The following NRG3 variants were observed in gnomAD, a reference collection of about 807,000 sequenced individuals.
The protein encoded by NRG3 is pro-neuregulin-3, membrane-bound isoform.
In NRG3, 31 loss-of-function variants were observed where a neutral mutation model predicts 66.9. That is an observed-to-expected ratio of 0.46 (90% CI 0.35 to 0.63). The LOEUF (loss-of-function observed/expected upper bound fraction) is 0.63. Among genes scored for constraint, NRG3 ranks in the 20% least tolerant of loss-of-function variants. The probability of loss-of-function intolerance (pLI) is 0.00; values close to 1 mark genes in which losing one functional copy is unlikely to be tolerated. For missense variants in NRG3, 910 were observed against 878.9 expected (o/e 1.04, Z -0.45); for synonymous variants, 393 against 359.4 (o/e 1.09, Z -1.06).
At chr10:82,514,538 G>T (rs187576941) in intron 2 of NRG3, among the ~76,000 whole-genome samples, 1 of 152,142 alleles carries the variant, frequency 6.6e-6, no homozygotes, top group Admixed American at 6.5e-5. Flanking sequence ...TGTTCCATTG[G>T]TCTATCTGTC....
chr10:81,921,111 G>A (rs1589460124), intron 1 of NRG3, among the ~76,000 whole-genome samples: 2 of 151,918 alleles, frequency 1.3e-5, no homozygotes, highest in Admixed American at 6.6e-5. Flanking sequence ...GTTTGAGAGT[G>A]CCCCTTCTTG....
chr10:82,043,812 C>A (rs1000139129), intron 1 of NRG3, among the ~76,000 whole-genome samples: 5 of 151,982 alleles, frequency 3.3e-5, no homozygotes, highest in African/African-American at 1.2e-4. Context: ...TATAACAAAA[C>A]CAGTTTTACC....
chr10:82,652,668 G>A (rs117280535), intron 2 of NRG3, among the ~76,000 whole-genome samples: 3,190 of 152,216 alleles, frequency 0.021, 55 homozygotes, highest in Non-Finnish European at 0.03. Context: ...ATTCAAGCAG[G>A]AAAACAGGGA....
At chr10:82,321,729 A>T (rs1265487478) in intron 1 of NRG3, among the ~76,000 whole-genome samples, 1 of 152,252 alleles carries the variant, frequency 6.6e-6, no homozygotes, top group African/African-American at 2.4e-5. Flanking sequence ...AGCTCATATA[A>T]GAACACATTT....
intron 2 of NRG3, among the ~76,000 whole-genome samples, chr10:82,605,242 T>C (rs181254931): frequency 6.6e-6 from 1 of 152,206 alleles, no homozygotes; most frequent in East Asian, 1.9e-4. Context: ...TGAGGTTTTA[T>C]CATGAAATGG....
chr10:82,207,412 C>T (rs2075173339), intron 1 of NRG3, among the ~76,000 whole-genome samples: 1 of 152,050 alleles, frequency 6.6e-6, no homozygotes, highest in Non-Finnish European at 1.5e-5. Context: ...GATATAACTC[C>T]TTATGCATAA....
chr10:81,987,668 A>C (rs569074573), intron 1 of NRG3, among the ~76,000 whole-genome samples: 1 of 152,312 alleles, frequency 6.6e-6, no homozygotes, highest in Non-Finnish European at 1.5e-5. Flanking sequence ...ACACTGGTAA[A>C]ATGATATATG....
intron 1 of NRG3, among the ~76,000 whole-genome samples, chr10:82,087,446 A>G (rs928761986): frequency 6.6e-5 from 10 of 152,002 alleles, no homozygotes; most frequent in Admixed American, 6.6e-4. Flanking sequence ...ATACTAATAC[A>G]TGCCGTATAC....
intron 5 of NRG3, among the ~76,000 whole-genome samples, 165 bp downstream of exon 5, chr10:82,951,736 A>T (rs545177984): frequency 6.6e-6 from 1 of 152,362 alleles, no homozygotes; most frequent in East Asian, 1.9e-4. Context: ...GTGAGTGTGT[A>T]CAGGCATGTA....
At chr10:82,423,250 T>C (rs926707823) in intron 2 of NRG3, among the ~76,000 whole-genome samples, 6 of 151,976 alleles carry the variant, frequency 3.9e-5, no homozygotes, top group African/African-American at 9.6e-5. Flanking sequence ...ATTTTATTAA[T>C]AAACCACCAT....
chr10:82,441,516 G>A (rs572674214), intron 2 of NRG3, among the ~76,000 whole-genome samples: 14 of 152,250 alleles, frequency 9.2e-5, no homozygotes, highest in African/African-American at 3.1e-4. Flanking sequence ...TGCATAAAAA[G>A]TTGTATAAAT....
At chr10:82,719,822 T>C (rs963760643) in intron 2 of NRG3, among the ~76,000 whole-genome samples, 3 of 152,208 alleles carry the variant, frequency 2.0e-5, no homozygotes, top group Non-Finnish European at 4.4e-5. Flanking sequence ...AATTTTCTCA[T>C]TTCAGATACT....
At chr10:82,185,964 C>T (rs1024835331) in intron 1 of NRG3, among the ~76,000 whole-genome samples, 2 of 152,100 alleles carry the variant, frequency 1.3e-5, no homozygotes, top group African/African-American at 2.4e-5. Flanking sequence ...TGAATAGGTA[C>T]GTTTCCTCAC....
At chr10:82,545,207 G>A (rs1307625302) in intron 2 of NRG3, among the ~76,000 whole-genome samples, 1 of 152,016 alleles carries the variant, frequency 6.6e-6, no homozygotes, top group Non-Finnish European at 1.5e-5. Flanking sequence ...GGATGGGTGG[G>A]AGGAAAAGTT....
chr10:82,107,977 A>G (rs547607583), intron 1 of NRG3, among the ~76,000 whole-genome samples: 1 of 152,304 alleles, frequency 6.6e-6, no homozygotes, highest in South Asian at 2.1e-4. Context: ...ATCCATTGCC[A>G]CGGCTGACGC....
chr10:82,271,307 T>C (rs908713960), intron 1 of NRG3, among the ~76,000 whole-genome samples: 3 of 152,066 alleles, frequency 2.0e-5, no homozygotes, highest in African/African-American at 7.2e-5. Context: ...ACCTATGAGC[T>C]ATGTAATTGG....
chr10:82,238,460 G>C (rs569977428), intron 1 of NRG3, among the ~76,000 whole-genome samples: 3 of 152,172 alleles, frequency 2.0e-5, no homozygotes, highest in Non-Finnish European at 2.9e-5. Flanking sequence ...CTTGTTCAAA[G>C]TCACATTGGT....
chr10:82,498,100 T>C (rs370355576), intron 2 of NRG3, among the ~76,000 whole-genome samples: 34 of 152,228 alleles, frequency 2.2e-4, no homozygotes, highest in African/African-American at 7.7e-4. Flanking sequence ...GTTTTTTTTT[T>C]TCTAATGACT....
intron 3 of NRG3, among the ~76,000 whole-genome samples, chr10:82,764,264 GC>G (rs2059430400): frequency 6.6e-6 from 1 of 151,796 alleles, no homozygotes; most frequent in Non-Finnish European, 1.5e-5. Context: ...CGAACTCGTA[GC>G]CTCAAGTGAT....
Sources: gnomAD v4.1 joint callset for allele counts (sites outside exome capture counted in the v4.1 genomes callset) on GRCh38, gnomAD v4.1.1 for gene constraint, MANE v1.5 for transcripts, NCBI Gene and HGNC (gene_info 2026-07-23, HGNC 2026-07-21) for gene names.